NKAIN2: variants seen among roughly 807,000 people sequenced by gnomAD.
NKAIN2 encodes the protein sodium/potassium transporting ATPase interacting 2.
Under a neutral mutation model 32.6 loss-of-function variants are expected in NKAIN2, and 14 were observed. The observed-to-expected ratio is 0.43, with a 90% CI of 0.28 to 0.67. The LOEUF (loss-of-function observed/expected upper bound fraction) is 0.67. Among genes scored for constraint, NKAIN2 ranks in the 30% least tolerant of loss-of-function variants. The pLI, the probability that NKAIN2 is intolerant of heterozygous loss-of-function variation, is 0.17. For synonymous variants in NKAIN2, 80 were observed against 87.2 expected, an observed-to-expected ratio of 0.92 and a Z score of 0.46; for missense variants, 198 against 258.3, an observed-to-expected ratio of 0.77 and a Z score of 1.60.
At position 124,654,606 on chromosome 6, in the gene NKAIN2, G is replaced by C. The variant is rs184214201; in HGVS notation, c.274-3580G>C. Among the ~76,000 whole-genome samples, 761 of 152,266 alleles carry C rather than the reference G, an allele frequency of 5.0e-3. 8 individuals are homozygous for C. The highest frequency in any genetic ancestry group is 6.1e-3 in the Non-Finnish European group (418 of 68,014). ...TTATGGCCTAACCCCCAGTACCTCAGAATGTGACTTCATGTGGAAAAAGGA... is the reference window on the plus strand; with the variant it reads ...TTATGGCCTAACCCCCAGTACCTCACAATGTGACTTCATGTGGAAAAAGGA... On this transcript the variant is annotated intron_variant, in intron 3 of 6. Transcript: ENST00000368417.
At chr6:124,407,646 C>A (rs894094725) in intron 3 of NKAIN2, among the ~76,000 whole-genome samples, 18 of 152,112 alleles carry the variant, frequency 1.2e-4, no homozygotes, top group African/African-American at 4.3e-4. Flanking sequence ...ACTAGTGCCG[C>A]AATAAACATA....
In NKAIN2 at chr6:124,398,252, C is replaced by CAAAAAAAAAAAAAAAA. The variant is rs869039720; in HGVS notation, c.273+42920_273+42935dup. Among the ~76,000 whole-genome samples the CAAAAAAAAAAAAAAAA allele has an allele frequency of 4.9e-4, 34 of 69,064 alleles. 1 individual carries two copies. Among genetic ancestry groups the CAAAAAAAAAAAAAAAA allele is most frequent in the African/African-American group, 2.3e-3 (30 of 12,916 alleles). 45.3% of individuals were successfully genotyped at this position (69,064 alleles called of 152,430 possible). A position where few individuals can be genotyped will look rare whatever the true frequency, so the allele number is the denominator to read the frequency against. ...TGGGTGACAGAGAGAGACTGCATCT[C>CAAAAAAAAAAAAAAAA]AAAAAAAAAAAAAAAAAAAAAAAAA... On this transcript the variant is annotated intron_variant, in intron 3 of 6. Transcript: ENST00000368417.
chr6:123,999,577 C>T (rs943367071), intron 1 of NKAIN2, among the ~76,000 whole-genome samples: 5 of 152,070 alleles, frequency 3.3e-5, no homozygotes, highest in Non-Finnish European at 5.9e-5. Context: ...TATAACTTTT[C>T]ACAAACTTAA....
intron 3 of NKAIN2, among the ~76,000 whole-genome samples, chr6:124,455,782 A>C (rs1208579208): frequency 6.6e-6 from 1 of 151,876 alleles, no homozygotes; most frequent in African/African-American, 2.4e-5. Context: ...AATATGTATA[A>C]TATATAAGTG....
chr6:123,858,123 T>A (rs7745090), intron 1 of NKAIN2, among the ~76,000 whole-genome samples: 22,259 of 151,690 alleles, frequency 0.15, 3,199 homozygotes, highest in African/African-American at 0.38. Context: ...TATTATTATT[T>A]TTTTTTTTTT....
intron 4 of NKAIN2, among the ~76,000 whole-genome samples, chr6:124,760,404 C>A (rs2114733481): frequency 7.9e-6 from 1 of 125,962 alleles, no homozygotes; most frequent in South Asian, 2.9e-4. Flanking sequence ...ACACGTACCC[C>A]TGAACATAAA....
At chr6:124,006,432 G>T (rs2114724216) in intron 1 of NKAIN2, among the ~76,000 whole-genome samples, 1 of 152,290 alleles carries the variant, frequency 6.6e-6, no homozygotes, top group Admixed American at 6.5e-5. Flanking sequence ...AGATGCATTA[G>T]TTAGCACTCT....
intron 1 of NKAIN2, among the ~76,000 whole-genome samples, chr6:124,277,609 T>C (rs1795098781): frequency 6.6e-6 from 1 of 152,190 alleles, no homozygotes; most frequent in South Asian, 2.1e-4. Context: ...TGTTAGTTCC[T>C]TGAAGTCCAC....
chr6:124,381,110 A>C (rs1772614961), intron 3 of NKAIN2, among the ~76,000 whole-genome samples: 2 of 152,198 alleles, frequency 1.3e-5, no homozygotes, highest in South Asian at 4.1e-4. Flanking sequence ...ACAAAAGTAT[A>C]ATGAAAAAGC....
At chr6:124,816,523 G>C (rs1418432454) in intron 5 of NKAIN2, among the ~76,000 whole-genome samples, 1 of 152,040 alleles carries the variant, frequency 6.6e-6, no homozygotes, top group Admixed American at 6.6e-5. Flanking sequence ...GTGTTTGTGT[G>C]GGGGCAGGAA....
At chr6:124,580,002 A>T (rs544394833) in intron 3 of NKAIN2, among the ~76,000 whole-genome samples, 8 of 152,278 alleles carry the variant, frequency 5.3e-5, no homozygotes, top group African/African-American at 1.9e-4. Context: ...TCCTTCAAAC[A>T]CTCAACAGAA....
chr6:124,046,636 T>G (rs552180833), intron 1 of NKAIN2, among the ~76,000 whole-genome samples: 1 of 152,124 alleles, frequency 6.6e-6, no homozygotes, highest in East Asian at 1.9e-4. Context: ...TATTGTTTGT[T>G]ATAGTTTGGT....
At chr6:124,602,597 G>A (rs1366609083) in intron 3 of NKAIN2, among the ~76,000 whole-genome samples, 1 of 151,824 alleles carries the variant, frequency 6.6e-6, no homozygotes, top group Non-Finnish European at 1.5e-5. Context: ...GGAAAGAAAC[G>A]AAAAAGCTAA....
chr6:124,121,210 A>G (rs574150742), intron 1 of NKAIN2, among the ~76,000 whole-genome samples: 2 of 152,232 alleles, frequency 1.3e-5, no homozygotes, highest in Admixed American at 1.3e-4. Context: ...CAAGAGGTAC[A>G]AACTTTTAAT....
At chr6:124,356,773 A>G (rs936949811) in intron 3 of NKAIN2, among the ~76,000 whole-genome samples, 1 of 152,150 alleles carries the variant, frequency 6.6e-6, no homozygotes, top group African/African-American at 2.4e-5. Context: ...CAATTTATAC[A>G]TCTCTGCTAC....
chr6:124,582,038 C>A (rs1781541965), intron 3 of NKAIN2, among the ~76,000 whole-genome samples: 1 of 149,266 alleles, frequency 6.7e-6, no homozygotes, highest in Non-Finnish European at 1.5e-5. Flanking sequence ...ATAAATGAAA[C>A]TGAAGAGAAG....
chr6:124,771,523 G>A (rs1003892156), intron 4 of NKAIN2, among the ~76,000 whole-genome samples: 2 of 152,090 alleles, frequency 1.3e-5, no homozygotes, highest in Non-Finnish European at 1.5e-5. Context: ...TTCTATTATT[G>A]TCATTGTAAG....
intron 1 of NKAIN2, among the ~76,000 whole-genome samples, chr6:124,233,791 A>T (rs572890645): frequency 6.6e-6 from 1 of 152,306 alleles, no homozygotes; most frequent in East Asian, 1.9e-4. Flanking sequence ...TTCTGCAGTA[A>T]CAAGAATGAA....
intron 1 of NKAIN2, among the ~76,000 whole-genome samples, chr6:124,023,762 T>A (rs1205857137): frequency 6.6e-6 from 1 of 152,194 alleles, no homozygotes; most frequent in African/African-American, 2.4e-5. Flanking sequence ...TCAAGAAAGA[T>A]ATTTGTATAT....
Sources: allele counts gnomAD v4.1 joint callset (sites outside exome capture counted in the v4.1 genomes callset), GRCh38; gene constraint gnomAD v4.1.1; transcripts MANE v1.5; gene names NCBI Gene and HGNC (gene_info 2026-07-23, HGNC 2026-07-21).